The following CIB3 variants were observed in gnomAD, a reference collection of about 807,000 sequenced individuals.
The protein encoded by CIB3 is calcium and integrin-binding family member 3.
Under a neutral mutation model 23.4 loss-of-function variants are expected in CIB3, and 22 were observed. The ratio of observed to expected loss-of-function variants is 0.94; its 90% confidence interval spans 0.67 to 1.34. CIB3 has a LOEUF of 1.34. CIB3 is among the 40% of genes most tolerant of loss of function. The pLI, the probability that CIB3 is intolerant of heterozygous loss-of-function variation, is 0.00. For synonymous variants in CIB3, 93 were observed against 95.8 expected (o/e 0.97, Z 0.17); for missense variants, 258 against 247.3 (o/e 1.04, Z -0.29).
At chr19:16,173,402 G>A in intron 1 of CIB3, 23 bp downstream of exon 1, 1 of 1,609,838 alleles carries the variant, frequency 6.2e-7, no homozygotes, top group South Asian at 1.1e-5. Flanking sequence ...AACCCACTGA[G>A]GACCCATCCT....
chr19:16,164,697 G>C, intron 5 of CIB3, 21 bp downstream of exon 5: 1 of 1,608,158 alleles, frequency 6.2e-7, no homozygotes, highest in Non-Finnish European at 8.5e-7. Context: ...ATGGACTGTG[G>C]GCGGTGACGG....
intron 5 of CIB3, among the ~76,000 whole-genome samples, chr19:16,162,170 G>A (rs1293826173): frequency 1.3e-5 from 2 of 148,984 alleles, no homozygotes; most frequent in Non-Finnish European, 3.0e-5. Flanking sequence ...ACTTTGGGAG[G>A]CCAAGGCAGG....
Position 16,169,738 on chromosome 19 carries a change from G to A in CIB3, c.90C>T (p.Leu30=), listed in dbSNP as rs1463276068. 6.2e-7 allele frequency: 1 copy of A among 1,604,842 alleles called. No homozygotes were observed. The highest frequency in any genetic ancestry group is 1.3e-5 in the African/African-American group (1 of 74,496). Residue 30 remains leucine (L), a synonymous_variant, in exon 3 of 6, where the codon CTC becomes CTT. Transcript: ENST00000269878. ...TFFTRKEIMR[L]FYRYQDLAPQ... ...GGGCCAGGTCCTGGTAGCGATAGAAGAGCCTGATGTGGGGAGGAAAAAGCT... is the reference window on the plus strand; with the variant it reads ...GGGCCAGGTCCTGGTAGCGATAGAAAAGCCTGATGTGGGGAGGAAAAAGCT...
At chr19:16,166,444 A>G (rs1051860609) in intron 4 of CIB3, among the ~76,000 whole-genome samples, 11 of 152,220 alleles carry the variant, frequency 7.2e-5, no homozygotes, top group African/African-American at 2.6e-4. Context: ...CACTCACTCA[A>G]CAAGTATTTA....
chr19:16,162,514 G>A (rs965968254), intron 5 of CIB3, among the ~76,000 whole-genome samples: 1 of 152,158 alleles, frequency 6.6e-6, no homozygotes, highest in Admixed American at 6.6e-5. Context: ...CACTTTGGGA[G>A]GCCAAGATGG....
intron 2 of CIB3, 46 bp downstream of exon 2, chr19:16,173,116 G>A: frequency 6.2e-7 from 1 of 1,609,994 alleles, no homozygotes; most frequent in Non-Finnish European, 8.5e-7. Context: ...GCAATGAATA[G>A]AAAGTTGTTT....
At position 16,173,052 on chromosome 19, in the gene CIB3, A is replaced by G; in HGVS notation, c.86+110T>C. On this transcript the variant is annotated intron_variant, in intron 2 of 5. Coordinates refer to ENST00000269878, the MANE Select transcript of CIB3 (RefSeq NM_054113.4). ...AAAGAAAGACTACTTACACACACAC[A>G]CACACACACACACACACACACACAC... The G allele has an allele frequency of 4.6e-6, 5 of 1,084,416 alleles. No individual in the cohort carries two copies. In the South Asian group the frequency reaches 6.5e-5, roughly 14 times the overall value. 67.2% of individuals were successfully genotyped at this position (1,084,416 alleles called of 1,614,324 possible). A position where few individuals can be genotyped will look rare whatever the true frequency, so the allele number is the denominator to read the frequency against.
Position 16,168,276 on chromosome 19 carries a change from G to T in CIB3, c.207C>A (p.Pro69=). 3 of 1,613,824 alleles carry T rather than the reference G, an allele frequency of 1.9e-6. No individual in the cohort carries two copies. The highest frequency in any genetic ancestry group is 2.5e-6 in the Non-Finnish European group (3 of 1,179,918). The change falls in exon 4 of 6, where the codon CCC becomes CCA. Residue 69 remains proline (P), a synonymous_variant. Coordinates refer to ENST00000269878, the MANE Select transcript of CIB3 (RefSeq NM_054113.4). ...ATACCTGGGCAATCCTCTGGCGGAAGGGGTTGTCCTGGGGACAGAAAGGAA... is the reference window on the plus strand; with the variant it reads ...ATACCTGGGCAATCCTCTGGCGGAATGGGTTGTCCTGGGGACAGAAAGGAA... The part of the protein sequence containing the change: ...IGSMPELKDN[P]FRQRIAQVFS...
chr19:16,168,790 G>A (rs913505254), intron 3 of CIB3, among the ~76,000 whole-genome samples: 4 of 152,144 alleles, frequency 2.6e-5, no homozygotes, highest in Non-Finnish European at 4.4e-5. Context: ...CACATCATCA[G>A]AGGCCCTGGT....
chr19:16,169,549 CT>C (rs2091319149), intron 3 of CIB3, 80 bp downstream of exon 3: 1 of 1,247,544 alleles, frequency 8.0e-7, no homozygotes, highest in Non-Finnish European at 1.1e-6. Flanking sequence ...ATGGGGATAA[CT>C]GCAGCACTGA....
intron 2 of CIB3, among the ~76,000 whole-genome samples, chr19:16,170,101 G>A (rs12608719): frequency 0.061 from 9,207 of 152,040 alleles, 639 homozygotes; most frequent in East Asian, 0.3. Context: ...ACCTGGCCAA[G>A]TCCCTTCTCT....
intron 5 of CIB3, among the ~76,000 whole-genome samples, chr19:16,164,403 C>T (rs1326268947): frequency 6.6e-6 from 1 of 152,170 alleles, no homozygotes; most frequent in African/African-American, 2.4e-5. Flanking sequence ...CCTGCAGTGG[C>T]GGCTGATTTT....
chr19:16,171,032 G>A (rs1013640751), intron 2 of CIB3, among the ~76,000 whole-genome samples: 15 of 151,686 alleles, frequency 9.9e-5, no homozygotes, highest in African/African-American at 2.4e-4. Context: ...CAGCTACTCC[G>A]GAGGCTGAGG....
intron 4 of CIB3, among the ~76,000 whole-genome samples, chr19:16,165,772 G>T (rs189833618): frequency 6.6e-6 from 1 of 152,276 alleles, no homozygotes; most frequent in East Asian, 1.9e-4. Context: ...AGCATTGAGT[G>T]CCTGCTGTGT....
intron 1 of CIB3, 72 bp from the exon 2 acceptor site, chr19:16,173,268 CCCA>C: frequency 6.2e-7 from 1 of 1,607,722 alleles, no homozygotes; most frequent in Non-Finnish European, 8.5e-7. Flanking sequence ...CTCCCTCCAC[CCCA>C]CACTCACACA....
chr19:16,165,386 C>T, intron 4 of CIB3, among the ~76,000 whole-genome samples: 1 of 151,380 alleles, frequency 6.6e-6, no homozygotes, highest in East Asian at 1.9e-4. Context: ...TGGGCAGGGA[C>T]CTGCTGGGAG....
chr19:16,166,306 T>C (rs2091305662), intron 4 of CIB3, among the ~76,000 whole-genome samples: 1 of 152,008 alleles, frequency 6.6e-6, no homozygotes, highest in African/African-American at 2.4e-5. Context: ...AAAAAATAAA[T>C]AAATAAAAAT....
intron 5 of CIB3, among the ~76,000 whole-genome samples, chr19:16,162,682 G>A (rs1276726184): frequency 2.0e-5 from 3 of 151,790 alleles, no homozygotes; most frequent in Admixed American, 1.3e-4. Context: ...TTGAACCTGC[G>A]AGGTGGAGGT....
At position 16,165,035 on chromosome 19, in the gene CIB3, T is replaced by C. The variant is rs558251282; in HGVS notation, c.347-122A>G. The C allele has an allele frequency of 4.3e-4, 349 of 805,520 alleles. 2 individuals carry two copies. In the African/African-American group the frequency reaches 5.4e-3, roughly 12 times the overall value. 49.9% of individuals were successfully genotyped at this position (805,520 alleles called of 1,614,324 possible). ...AAGGTCGGGCACGGTGGCTCACGCCTGTAATCCCAACACTTTGGGAGGCTG... is the reference window on the plus strand; with the variant it reads ...AAGGTCGGGCACGGTGGCTCACGCCCGTAATCCCAACACTTTGGGAGGCTG... On this transcript the variant is annotated intron_variant, in intron 4 of 5. Coordinates refer to ENST00000269878, the MANE Select transcript of CIB3 (RefSeq NM_054113.4).
Sources: gnomAD v4.1 joint callset for allele counts (sites outside exome capture counted in the v4.1 genomes callset) on GRCh38, gnomAD v4.1.1 for gene constraint, MANE v1.5 for transcripts, NCBI Gene and HGNC (gene_info 2026-07-23, HGNC 2026-07-21) for gene names.